Variants in SPHKAP observed in about 807,000 individuals in gnomAD.
SPHKAP encodes the protein SPHK1 interactor, AKAP domain containing, also known as A-kinase anchor protein SPHKAP.
A neutral mutation model predicts 137.5 loss-of-function variants in SPHKAP; 67 were observed. The observed-to-expected ratio is 0.49, with a 90% CI of 0.40 to 0.60. SPHKAP has a LOEUF of 0.60. Among genes scored for constraint, SPHKAP ranks in the 20% least tolerant of loss-of-function variants. The pLI is 0.00. For missense variants in SPHKAP, 2,097 were observed against 2,069.3 expected, an observed-to-expected ratio of 1.01 and a Z score of -0.26; for synonymous variants, 813 against 785.3, an observed-to-expected ratio of 1.04 and a Z score of -0.59.
At chr2:228,103,589 C>T (rs945269937) in intron 3 of SPHKAP, among the ~76,000 whole-genome samples, 5 of 152,186 alleles carry the variant, frequency 3.3e-5, no homozygotes, top group Non-Finnish European at 7.3e-5. Flanking sequence ...TCACTCTGCC[C>T]TCCGCAGCCT....
intron 3 of SPHKAP, among the ~76,000 whole-genome samples, chr2:228,038,697 A>C (rs1194238622): frequency 1.3e-5 from 2 of 152,186 alleles, no homozygotes; most frequent in Non-Finnish European, 2.9e-5. Flanking sequence ...CTGTTAGTTC[A>C]TGAGGGCAGG....
chr2:228,131,919 T>C, intron 2 of SPHKAP, 61 bp downstream of exon 2: 1 of 1,568,966 alleles, frequency 6.4e-7, no homozygotes, highest in Non-Finnish European at 8.8e-7. Flanking sequence ...GCTTAAAATT[T>C]CGAATTAAAT....
At chr2:228,123,059 C>A (rs546896969) in intron 2 of SPHKAP, among the ~76,000 whole-genome samples, 2 of 152,214 alleles carry the variant, frequency 1.3e-5, no homozygotes, top group African/African-American at 4.8e-5. Context: ...CATCCACTAC[C>A]CCTACACTGG....
intron 3 of SPHKAP, among the ~76,000 whole-genome samples, chr2:228,063,075 C>T (rs138876943): frequency 6.6e-6 from 1 of 152,194 alleles, no homozygotes; most frequent in East Asian, 1.9e-4. Flanking sequence ...TAAGTTAGTG[C>T]TAAGATTTTA....
At chr2:228,007,035 A>G (rs1290448327) in intron 7 of SPHKAP, among the ~76,000 whole-genome samples, 1 of 152,156 alleles carries the variant, frequency 6.6e-6, no homozygotes, top group East Asian at 1.9e-4. Context: ...CTCCAACTCT[A>G]TGCTGGGAGA....
At chr2:228,091,910 A>C (rs1040841133) in intron 3 of SPHKAP, among the ~76,000 whole-genome samples, 1 of 152,138 alleles carries the variant, frequency 6.6e-6, no homozygotes, top group African/African-American at 2.4e-5. Context: ...CAGCAATCCC[A>C]CTACTGGGTA....
At chr2:228,062,571 AAT>A (rs1031388180) in intron 3 of SPHKAP, among the ~76,000 whole-genome samples, 57 of 152,244 alleles carry the variant, frequency 3.7e-4, no homozygotes, top group African/African-American at 1.3e-3. Flanking sequence ...ATAATAGAGA[AAT>A]ATGTCTCCAT....
intron 2 of SPHKAP, among the ~76,000 whole-genome samples, chr2:228,119,076 A>T (rs1051064161): frequency 6.6e-5 from 10 of 152,174 alleles, no homozygotes; most frequent in African/African-American, 2.4e-4. Context: ...GATGACATTG[A>T]GCAGAGATCT....
intron 1 of SPHKAP, among the ~76,000 whole-genome samples, chr2:228,150,523 C>T (rs1209315016): frequency 1.3e-5 from 2 of 151,878 alleles, no homozygotes; most frequent in Non-Finnish European, 1.5e-5. Context: ...CTCAAAATTG[C>T]CTGTTTTATC....
At position 228,019,684 on chromosome 2, in the gene SPHKAP, C is replaced by T; in HGVS notation, c.1170G>A (p.Lys390=). ...CGGATTCTGCTAAATTTGTAGCATA[C>T]TTGCCAGTGGTGACTTCTCCATCTT... The part of the protein sequence containing the change: ...PRQDGEVTTG[K]YATNLAESVL... Residue 390 remains lysine (K), a synonymous_variant, in exon 7 of 12, where the codon AAG becomes AAA. Coordinates refer to ENST00000392056, the MANE Select transcript of SPHKAP (RefSeq NM_001142644.2). 1.2e-6 allele frequency: 2 copies of T among 1,614,196 alleles called. No homozygotes were observed. Among genetic ancestry groups the T allele is most frequent in the Non-Finnish European group, 1.7e-6 (2 of 1,180,024 alleles).
intron 3 of SPHKAP, among the ~76,000 whole-genome samples, chr2:228,107,816 C>G (rs954579192): frequency 6.6e-6 from 1 of 152,152 alleles, no homozygotes; most frequent in Non-Finnish European, 1.5e-5. Context: ...CCCAAGGAAT[C>G]CTAGCCAGCA....
At chr2:228,057,847 G>A (rs541232087) in intron 3 of SPHKAP, among the ~76,000 whole-genome samples, 1 of 152,102 alleles carries the variant, frequency 6.6e-6, no homozygotes, top group South Asian at 2.1e-4. Flanking sequence ...GAAGCACTAG[G>A]AAGCCAATGA....
intron 3 of SPHKAP, among the ~76,000 whole-genome samples, chr2:228,041,983 G>A (rs1017017221): frequency 1.3e-5 from 2 of 152,020 alleles, no homozygotes; most frequent in Non-Finnish European, 2.9e-5. Context: ...ATAACTATGA[G>A]GACTACTCTT....
Position 227,979,955 on chromosome 2 carries a change from T to C in SPHKAP, c.*1762A>G, listed in dbSNP as rs1388197166. On this transcript the variant is annotated 3_prime_UTR_variant, in exon 12 of 12. Transcript: ENST00000392056. ...CTCTTCCAGAAAAAATAATCAACAA[T>C]CTGACAACAGAGATTTATTGATTAA... 6.6e-6 allele frequency: 1 copy of C among 152,534 alleles called. No homozygotes were observed. The highest frequency in any genetic ancestry group is 2.4e-5 in the African/African-American group (1 of 41,446). 9.4% of individuals were successfully genotyped at this position (152,534 alleles called of 1,614,324 possible).
intron 7 of SPHKAP, among the ~76,000 whole-genome samples, chr2:228,012,279 T>C (rs1411913926): frequency 6.6e-6 from 1 of 151,830 alleles, no homozygotes; most frequent in African/African-American, 2.4e-5. Flanking sequence ...CTTGTCTTCC[T>C]TGCTTGTCTT....
chr2:228,046,291 C>CTTTTTTTTT (rs58510792), intron 3 of SPHKAP, among the ~76,000 whole-genome samples: 16 of 82,518 alleles, frequency 1.9e-4, no homozygotes, highest in Non-Finnish European at 2.4e-4. Context: ...TGTTGTTATT[C>CTTTTTTTTT]TTTTTTTTTT....
At chr2:228,133,802 G>A (rs757610842) in intron 1 of SPHKAP, among the ~76,000 whole-genome samples, 7 of 152,118 alleles carry the variant, frequency 4.6e-5, no homozygotes, top group African/African-American at 1.7e-4. Flanking sequence ...TAGCCTTTTG[G>A]CATTTCCATT....
intron 1 of SPHKAP, among the ~76,000 whole-genome samples, chr2:228,151,090 C>G (rs1432479107): frequency 7.0e-6 from 1 of 143,076 alleles, no homozygotes; most frequent in Non-Finnish European, 1.5e-5. Flanking sequence ...CCGCTCCCCC[C>G]ACCCCACCAC....
At chr2:228,139,908 TA>T (rs370843804) in intron 1 of SPHKAP, among the ~76,000 whole-genome samples, 44 of 146,428 alleles carry the variant, frequency 3.0e-4, no homozygotes, top group Admixed American at 6.3e-4. Context: ...TTTCTTTATT[TA>T]TTTTCTTTCT....
Sources: allele counts gnomAD v4.1 joint callset (sites outside exome capture counted in the v4.1 genomes callset), GRCh38; gene constraint gnomAD v4.1.1; transcripts MANE v1.5; gene names NCBI Gene and HGNC (gene_info 2026-07-23, HGNC 2026-07-21).